The following AGBL4 variants were observed in gnomAD, a reference collection of about 807,000 sequenced individuals.
The protein encoded by AGBL4 is AGBL carboxypeptidase 4, also known as cytosolic carboxypeptidase 6.
A neutral mutation model predicts 66.4 loss-of-function variants in AGBL4; 58 were observed. The observed-to-expected ratio is 0.87, with a 90% confidence interval of 0.71 to 1.09. AGBL4 has a LOEUF of 1.09. AGBL4 is among the 50% of genes least tolerant of loss of function. The pLI is 0.00. For synonymous variants in AGBL4, 234 were observed against 222.9 expected (o/e 1.05, Z -0.44); for missense variants, 579 against 631.0 (o/e 0.92, Z 0.88).
intron 2 of AGBL4, among the ~76,000 whole-genome samples, chr1:49,730,682 C>T (rs185595298): frequency 1.2e-4 from 19 of 152,230 alleles, no homozygotes; most frequent in Admixed American, 6.5e-4. Context: ...CAGCCCTGGG[C>T]GAAGCACAGA....
chr1:49,160,470 TGAG>T (rs1226385517), intron 4 of AGBL4, among the ~76,000 whole-genome samples: 1 of 152,096 alleles, frequency 6.6e-6, no homozygotes, highest in Non-Finnish European at 1.5e-5. Flanking sequence ...CTCTCCTGTA[TGAG>T]GTGTCTGGGT....
intron 11 of AGBL4, among the ~76,000 whole-genome samples, chr1:48,542,744 T>C (rs1265662895): frequency 6.6e-6 from 1 of 152,216 alleles, no homozygotes. Flanking sequence ...ATTAGCCCTT[T>C]GTCAGATGGA....
intron 6 of AGBL4, among the ~76,000 whole-genome samples, chr1:48,793,224 AG>A (rs1403468218): frequency 6.6e-6 from 1 of 152,196 alleles, no homozygotes; most frequent in African/African-American, 2.4e-5. Flanking sequence ...TAATTGTACT[AG>A]GGGAGCACAT....
chr1:49,044,744 AAAAAGACTC>A (rs1644035181), intron 5 of AGBL4, among the ~76,000 whole-genome samples: 1 of 152,180 alleles, frequency 6.6e-6, no homozygotes, highest in Non-Finnish European at 1.5e-5. Context: ...ATACAGCATG[AAAAAGACTC>A]AACCAGCCAC....
At chr1:48,950,306 A>G (rs1177839115) in intron 5 of AGBL4, among the ~76,000 whole-genome samples, 1 of 152,038 alleles carries the variant, frequency 6.6e-6, no homozygotes, top group East Asian at 1.9e-4. Context: ...CACCATGTTG[A>G]CCAGGCTGGT....
At chr1:49,476,385 G>T (rs919980226) in intron 3 of AGBL4, among the ~76,000 whole-genome samples, 1 of 152,016 alleles carries the variant, frequency 6.6e-6, no homozygotes, top group Non-Finnish European at 1.5e-5. Flanking sequence ...TCTTGAGGTT[G>T]TTGGGTGGAT....
chr1:49,592,249 A>C (rs1246095749), intron 3 of AGBL4, among the ~76,000 whole-genome samples: 1 of 152,138 alleles, frequency 6.6e-6, no homozygotes, highest in Non-Finnish European at 1.5e-5. Flanking sequence ...TAAGCAAAAA[A>C]CAAACAACTC....
intron 6 of AGBL4, among the ~76,000 whole-genome samples, chr1:48,758,633 G>C (rs186237459): frequency 7.9e-5 from 12 of 152,200 alleles, no homozygotes; most frequent in Non-Finnish European, 1.8e-4. Flanking sequence ...ATAAGGGACT[G>C]AGCAGTGACA....
intron 1 of AGBL4, among the ~76,000 whole-genome samples, chr1:49,917,725 C>A (rs1412427824): frequency 1.3e-5 from 2 of 152,142 alleles, no homozygotes; most frequent in African/African-American, 2.4e-5. Context: ...AGCTCTGCAC[C>A]AAGCAGACCT....
At chr1:49,216,765 C>T (rs1649124958) in intron 4 of AGBL4, among the ~76,000 whole-genome samples, 1 of 152,050 alleles carries the variant, frequency 6.6e-6, no homozygotes, top group Non-Finnish European at 1.5e-5. Context: ...GTCAGTAAGG[C>T]TTTCAAATGA....
At chr1:49,705,861 T>C (rs1271961875) in intron 2 of AGBL4, among the ~76,000 whole-genome samples, 1 of 152,228 alleles carries the variant, frequency 6.6e-6, no homozygotes, top group Non-Finnish European at 1.5e-5. Context: ...GATTTGCGTA[T>C]GTTGAACCAG....
At chr1:49,431,496 T>C (rs1557934476) in intron 3 of AGBL4, among the ~76,000 whole-genome samples, 1 of 152,142 alleles carries the variant, frequency 6.6e-6, no homozygotes, top group Non-Finnish European at 1.5e-5. Context: ...AACGCTGGTG[T>C]CCTGTTTTTT....
intron 1 of AGBL4, among the ~76,000 whole-genome samples, chr1:49,938,674 T>C (rs1465336884): frequency 3.3e-5 from 5 of 152,314 alleles, no homozygotes; most frequent in African/African-American, 1.2e-4. Flanking sequence ...ATCCCCGGGA[T>C]GCAAGGCTGG....
intron 6 of AGBL4, among the ~76,000 whole-genome samples, chr1:48,724,925 GTCT>G (rs1570358607): frequency 2.0e-5 from 3 of 152,142 alleles, no homozygotes; most frequent in African/African-American, 4.8e-5. Flanking sequence ...AGTATTGACA[GTCT>G]TCTTCTACAC....
intron 3 of AGBL4, among the ~76,000 whole-genome samples, chr1:49,652,784 G>A (rs1216577286): frequency 6.6e-6 from 1 of 152,162 alleles, no homozygotes; most frequent in Non-Finnish European, 1.5e-5. Flanking sequence ...GAGAATTTCA[G>A]CATCCCCAAC....
intron 3 of AGBL4, among the ~76,000 whole-genome samples, chr1:49,612,099 T>A (rs922771093): frequency 1.3e-5 from 2 of 152,238 alleles, no homozygotes; most frequent in African/African-American, 4.8e-5. Context: ...CCCAACTCCT[T>A]TGGAAATCTT....
At chr1:49,474,241 T>C (rs1570805306) in intron 3 of AGBL4, among the ~76,000 whole-genome samples, 1 of 152,124 alleles carries the variant, frequency 6.6e-6, no homozygotes, top group Non-Finnish European at 1.5e-5. Flanking sequence ...TTAATGATAT[T>C]GGTTCTTCCA....
intron 10 of AGBL4, among the ~76,000 whole-genome samples, chr1:48,588,918 G>A (rs576879968): frequency 2.2e-4 from 33 of 152,154 alleles, no homozygotes; most frequent in Admixed American, 1.4e-3. Flanking sequence ...CACCCTTAAG[G>A]AGGCTGCAAT....
intron 4 of AGBL4, among the ~76,000 whole-genome samples, chr1:49,204,202 CA>C (rs1433123105): frequency 2.6e-5 from 4 of 152,158 alleles, no homozygotes; most frequent in African/African-American, 4.8e-5. Context: ...CAAATCTTGG[CA>C]GGCTGTGTAG....
Sources: allele counts gnomAD v4.1 joint callset (sites outside exome capture counted in the v4.1 genomes callset), GRCh38; gene constraint gnomAD v4.1.1; transcripts MANE v1.5; gene names NCBI Gene and HGNC (gene_info 2026-07-23, HGNC 2026-07-21).